KRT76: variants seen among roughly 807,000 people sequenced by gnomAD.
KRT76 encodes keratin, type II cytoskeletal 2 oral.
A neutral mutation model predicts 44.9 loss-of-function variants in KRT76; 47 were observed. The observed-to-expected ratio is 1.05, with a 90% confidence interval of 0.83 to 1.33. The LOEUF is 1.33. Ranked by LOEUF, KRT76 falls within the 40% of genes most tolerant of loss-of-function variation. The pLI is 0.00. For missense variants in KRT76, 860 were observed against 775.8 expected, an observed-to-expected ratio of 1.11 and a Z score of -1.29; for synonymous variants, 331 against 294.1, an observed-to-expected ratio of 1.13 and a Z score of -1.28.
rs1218744831 is a variant in KRT76 at position 52,773,716 on chromosome 12, C to T, written c.816-74G>A. On this transcript the variant is annotated intron_variant, in intron 2 of 8. Transcript: ENST00000332411. ...AAAAGAGAGGTGAGGATTCCAGGCA[C>T]TCTCCTCACCTGCGCAGAGACAGGA... The T allele has an allele frequency of 3.2e-6, 4 of 1,242,820 alleles. No homozygotes were observed. In the African/African-American group the frequency reaches 5.9e-5, roughly 18 times the overall value. The allele number at this position is 1,242,820 out of a possible 1,614,324, so 77.0% of individuals were successfully genotyped here.
Position 52,777,242 on chromosome 12 carries a change from A to G in KRT76, c.50T>C (p.Phe17Ser). The G allele has an allele frequency of 6.2e-7, 1 of 1,614,216 alleles. No homozygotes were observed. The highest frequency in any genetic ancestry group is 1.1e-5 in the South Asian group (1 of 91,086). ...KKSFSGRSQG[F>S]SGRSAVVSGS... is the part of the protein sequence containing the mutation. ...GGAGACCACAGCAGAGCGGCCAGAG[A>G]AACCCTGGCTCCTGCCACTGAAGGA... Residue 17 changes from phenylalanine to serine, a missense_variant, in exon 1 of 9, where the codon TTC becomes TCC. Coordinates refer to ENST00000332411, the MANE Select transcript of KRT76 (RefSeq NM_015848.4).
rs762568646 is a variant in KRT76, at chr12:52,772,194, C to A, written c.1037G>T (p.Arg346Leu). ...TSVVLSMDNN[R>L]CLDLGSIIAE... is the part of the protein sequence containing the mutation. ...AATGATGCTGCCCAGGTCCAGGCAG[C>A]GGTTGTTGTCCATGGACAGAACCAC... The change falls in exon 5 of 9, where the codon CGC becomes CTC. Residue 346 changes from arginine to leucine, a missense_variant. Coordinates refer to ENST00000332411, the MANE Select transcript of KRT76 (RefSeq NM_015848.4). 10 of 1,613,190 alleles carry A rather than the reference C, an allele frequency of 6.2e-6. No individual in the cohort carries two copies. Among genetic ancestry groups the A allele is most frequent in the South Asian group, 1.1e-5 (1 of 90,876 alleles).
chr12:52,769,481 G>A (rs1257205436), intron 8 of KRT76, 68 bp downstream of exon 8: 8 of 1,352,256 alleles, frequency 5.9e-6, no homozygotes, highest in Non-Finnish European at 8.5e-6. Context: ...CTGAAGGTCA[G>A]TCAGTGAGGT....
chr12:52,768,988 CACTGCTGCT>C lies in KRT76; in HGVS notation c.1633_1641del (p.Ser545_Ser547del), dbSNP rs767579443. ...CCGCTGCCGCCACTGACTCCATAGC[CACTGCTGCT>C]GCTGCTGCTGCTGCCGCCTTTGTAG... On this transcript the variant is annotated inframe_deletion, in exon 9 of 9. Transcript: ENST00000332411. 1.9e-5 allele frequency: 17 copies of C among 901,650 alleles called. No individual in the cohort carries two copies. The highest frequency in any genetic ancestry group is 2.6e-5 in the Non-Finnish European group (15 of 569,814). 55.9% of individuals were successfully genotyped at this position (901,650 alleles called of 1,614,324 possible).
chr12:52,770,700 T>C (rs1032882635), intron 7 of KRT76, among the ~76,000 whole-genome samples: 2 of 152,224 alleles, frequency 1.3e-5, no homozygotes, highest in African/African-American at 4.8e-5. Flanking sequence ...TCTCAAAAAG[T>C]TCCAGTGGAC....
chr12:52,777,338 A>G lies in KRT76; in HGVS notation c.-47T>C. The stretch of plus-strand genomic sequence containing the variant: ...GCTAGTGATCACTTAGCAAGAGCTG[A>G]GAGGGATAGGGACAAGAGAGGAGAC... On this transcript the variant is annotated 5_prime_UTR_variant, in exon 1 of 9. Coordinates refer to ENST00000332411, the MANE Select transcript of KRT76 (RefSeq NM_015848.4). 1 of 1,610,158 alleles carries G rather than the reference A, an allele frequency of 6.2e-7. No homozygotes were observed. Among genetic ancestry groups the G allele is most frequent in the Non-Finnish European group, 8.5e-7 (1 of 1,178,216 alleles).
chr12:52,768,526 C>G lies in KRT76; in HGVS notation c.*187G>C. ...CAGGGGCATCATCATCCCAGACCAGCAGCAGGACCTCCATGGCCCTGGGAA... is the reference window on the plus strand; with the variant it reads ...CAGGGGCATCATCATCCCAGACCAGGAGCAGGACCTCCATGGCCCTGGGAA... On this transcript the variant is annotated 3_prime_UTR_variant, in exon 9 of 9. Coordinates refer to ENST00000332411, the MANE Select transcript of KRT76 (RefSeq NM_015848.4). 1.6e-6 allele frequency: 1 copy of G among 622,772 alleles called. No individual in the cohort carries two copies. Among genetic ancestry groups the G allele is most frequent in the South Asian group, 2.6e-5 (1 of 38,632 alleles). 38.6% of individuals were successfully genotyped at this position (622,772 alleles called of 1,614,324 possible). A position where few individuals can be genotyped will look rare whatever the true frequency, so the allele number is the denominator to read the frequency against.
intron 2 of KRT76, among the ~76,000 whole-genome samples, chr12:52,774,917 G>A (rs753681963): frequency 3.3e-5 from 5 of 152,144 alleles, no homozygotes; most frequent in Non-Finnish European, 5.9e-5. Flanking sequence ...GAGATTGGAC[G>A]GGACACACTG....
In KRT76 at chr12:52,768,617, T is replaced by G. The variant is rs1939126696; in HGVS notation, c.*96A>C. 5.8e-6 allele frequency: 8 copies of G among 1,389,050 alleles called. No homozygotes were observed. The East Asian group carries it at 1.9e-4, about 32-fold the overall frequency. 86.0% of individuals were successfully genotyped at this position (1,389,050 alleles called of 1,614,324 possible). A position where few individuals can be genotyped will look rare whatever the true frequency, so the allele number is the denominator to read the frequency against. The stretch of plus-strand genomic sequence containing the variant: ...CAGGGAACTTGAGGAAAAATGTGGT[T>G]GACCCTTATGCATCTATTGATGCCA... On this transcript the variant is annotated 3_prime_UTR_variant, in exon 9 of 9. Transcript: ENST00000332411.
At position 52,768,780 on chromosome 12, in the gene KRT76, C is replaced by G. The variant is rs777289563; in HGVS notation, c.1850G>C (p.Gly617Ala). The G allele has an allele frequency of 6.2e-7, 1 of 1,613,086 alleles. No homozygotes were observed. The highest frequency in any genetic ancestry group is 1.1e-5 in the South Asian group (1 of 91,048). Residue 617 changes from glycine to alanine, a missense_variant, in exon 9 of 9, where the codon GGT becomes GCT. By Grantham distance (60) the Gly-to-Ala change is moderately conservative. Coordinates refer to ENST00000332411, the MANE Select transcript of KRT76 (RefSeq NM_015848.4). The stretch of plus-strand genomic sequence containing the variant: ...GAAGCGGATACTGGTGCTGCCTCCA[C>G]CACCAGACTTGTAGCCACTTCCTCC... ...TSGGSGYKSGGGGSTSIRFSQ... is the reference protein window; with the variant it reads ...TSGGSGYKSGAGGSTSIRFSQ...
At position 52,771,117 on chromosome 12, in the gene KRT76, T is replaced by C; in HGVS notation, c.1366A>G (p.Lys456Glu). The change falls in exon 7 of 9, where the codon AAG becomes GAG. Residue 456 changes from lysine (K) to glutamate (E), a missense_variant. Physicochemically the swap from Lys to Glu is moderately conservative, Grantham distance 56 (BLOSUM62 1). Transcript: ENST00000332411. ...AGCCGAGCCAGGTCATCCTTAGCCT[T>C]CTGTAGGGCAGTCTGCAAGTCTTGG... is the stretch of plus-strand genomic sequence containing the variant. ...KLQDLQTALQ[K>E]AKDDLARLLR... 6.2e-7 allele frequency: 1 copy of C among 1,614,178 alleles called. No individual in the cohort carries two copies. The highest frequency in any genetic ancestry group is 1.1e-5 in the South Asian group (1 of 91,082).
Position 52,772,239 on chromosome 12 carries a change from C to G in KRT76, c.992G>C (p.Ser331Thr). The part of the protein sequence containing the change: ...LYEMELSQMQ[S>T]HASDTSVVLS... Reference sequence around the variant, plus strand: ...AACCACAGACGTGTCACTGGCATGGCTTTGCATCTGGGACAGCTCCTGCAG... The same window carrying G: ...AACCACAGACGTGTCACTGGCATGGGTTTGCATCTGGGACAGCTCCTGCAG... The change falls in exon 5 of 9, where the codon AGC (serine) becomes ACC (threonine). Residue 331 changes from serine to threonine, a missense_variant. By Grantham distance (58) the Ser-to-Thr change is moderately conservative. Coordinates refer to ENST00000332411, the MANE Select transcript of KRT76 (RefSeq NM_015848.4). 1 of 1,604,234 alleles carries G rather than the reference C, an allele frequency of 6.2e-7. No homozygotes were observed. Among genetic ancestry groups the G allele is most frequent in the Non-Finnish European group, 8.5e-7 (1 of 1,175,074 alleles).
intron 4 of KRT76, 121 bp downstream of exon 4, chr12:52,772,662 G>A: frequency 2.7e-6 from 2 of 742,082 alleles, no homozygotes; most frequent in Non-Finnish European, 2.4e-6. Context: ...AGGTGGGGTG[G>A]AGCTGAGTCC....
At chr12:52,769,927 C>T (rs1939153937) in intron 7 of KRT76, among the ~76,000 whole-genome samples, 1 of 152,172 alleles carries the variant, frequency 6.6e-6, no homozygotes, top group African/African-American at 2.4e-5. Flanking sequence ...TTCTTCTCTA[C>T]CCAGCCCTGG....
chr12:52,771,347 C>T, intron 6 of KRT76, 128 bp from the exon 7 acceptor site: 1 of 902,984 alleles, frequency 1.1e-6, no homozygotes, highest in Non-Finnish European at 1.7e-6. Context: ...GGAGCATGCT[C>T]AGAGAAAAGA....
chr12:52,771,251 C>A, intron 6 of KRT76, 32 bp from the exon 7 acceptor site: 1 of 1,596,622 alleles, frequency 6.3e-7, no homozygotes, highest in South Asian at 1.1e-5. Context: ...CATAGTGACC[C>A]GGAAACAAAC....
Position 52,777,117 on chromosome 12 carries a change from A to G in KRT76, c.175T>C (p.Tyr59His). Residue 59 changes from tyrosine to histidine, a missense_variant, in exon 1 of 9, where the codon TAC becomes CAC. Tyr to His is a moderately conservative substitution (Grantham distance 83, BLOSUM62 2). Coordinates refer to ENST00000332411, the MANE Select transcript of KRT76 (RefSeq NM_015848.4). Reference sequence around the variant, plus strand: ...ATGCTCTTGTTGCTGCCCAGGTTGTAGAGGCTGCGACTGCCAAAGCTGCCT... The same window carrying G: ...ATGCTCTTGTTGCTGCCCAGGTTGTGGAGGCTGCGACTGCCAAAGCTGCCT... ...GAGSFGSRSL[Y>H]NLGSNKSISI... is the part of the protein sequence containing the mutation. 2 of 1,614,204 alleles carry G rather than the reference A, an allele frequency of 1.2e-6. No individual in the cohort carries two copies. The highest frequency in any genetic ancestry group is 1.7e-6 in the Non-Finnish European group (2 of 1,180,044).
chr12:52,776,581 G>A, intron 1 of KRT76, 111 bp downstream of exon 1: 1 of 1,566,654 alleles, frequency 6.4e-7, no homozygotes. Context: ...ACAGCACCAG[G>A]ACAAGAGCCA....
rs1177720179 is a variant in KRT76, at chr12:52,772,154, G to C, written c.1077C>G (p.Ala359=). The part of the protein sequence containing the change: ...DLGSIIAEVR[A]QYEEIAQRSK... The stretch of plus-strand genomic sequence containing the variant: ...TCCTCTGGGCAATCTCCTCATACTG[G>C]GCGCGGACCTCGGCAATGATGCTGC... Residue 359 remains alanine (A), a synonymous_variant, in exon 5 of 9, where the codon GCC becomes GCG. Transcript: ENST00000332411. 6.2e-7 allele frequency: 1 copy of C among 1,613,738 alleles called. No individual in the cohort carries two copies. The highest frequency in any genetic ancestry group is 8.5e-7 in the Non-Finnish European group (1 of 1,179,744).
Sources: allele counts gnomAD v4.1 joint callset (sites outside exome capture counted in the v4.1 genomes callset), GRCh38; gene constraint gnomAD v4.1.1; transcripts MANE v1.5; gene names NCBI Gene and HGNC (gene_info 2026-07-23, HGNC 2026-07-21).